The following INPP4B variants were observed in gnomAD, a reference collection of about 807,000 sequenced individuals.
The protein encoded by INPP4B is inositol polyphosphate-4-phosphatase type II B.
INPP4B carries 55 observed loss-of-function variants against 122.5 expected under a neutral mutation model. The ratio of observed to expected loss-of-function variants is 0.45; its 90% CI spans 0.36 to 0.56. The LOEUF is 0.56. INPP4B is among the 20% of genes least tolerant of loss of function. The pLI, the probability that INPP4B is intolerant of heterozygous loss-of-function variation, is 0.00. For missense variants in INPP4B, 1,000 were observed against 1,097.7 expected (o/e 0.91, Z 1.26); for synonymous variants, 403 against 388.7 (o/e 1.04, Z -0.43).
At chr4:142,755,685 G>T (rs1471672796) in intron 1 of INPP4B, among the ~76,000 whole-genome samples, 2 of 152,108 alleles carry the variant, frequency 1.3e-5, no homozygotes, top group South Asian at 2.1e-4. Flanking sequence ...TTGCTTTAAA[G>T]AGAAATAAAA....
chr4:142,306,235 T>G (rs962884632), intron 8 of INPP4B, among the ~76,000 whole-genome samples: 76 of 151,872 alleles, frequency 5.0e-4, no homozygotes, highest in Admixed American at 3.8e-3. Context: ...AATTGTTTTT[T>G]TTTTTTTTTT....
rs554485930 is a variant in INPP4B, at chr4:142,620,370, G to A, written c.-191+105469C>T. On this transcript the variant is annotated intron_variant, in intron 2 of 25. Transcript: ENST00000262992. Reference sequence around the variant, plus strand: ...CTTTTGCAGCAACATAGATGGAGCTGGAAGCCATTATCCTAAGTGAATTAA... The same window carrying A: ...CTTTTGCAGCAACATAGATGGAGCTAGAAGCCATTATCCTAAGTGAATTAA... 1.5e-4 allele frequency among the ~76,000 whole-genome samples: 23 copies of A among 152,046 alleles called. No homozygotes were observed. The Middle Eastern group carries it at 0.01, about 67-fold the overall frequency.
At chr4:142,832,910 A>G (rs929046335) in intron 1 of INPP4B, among the ~76,000 whole-genome samples, 26 of 152,222 alleles carry the variant, frequency 1.7e-4, no homozygotes, top group Admixed American at 5.9e-4. Flanking sequence ...GTATTAAAAT[A>G]AAAACACTGT....
intron 2 of INPP4B, among the ~76,000 whole-genome samples, chr4:142,716,216 C>T (rs1446738136): frequency 6.6e-6 from 1 of 152,186 alleles, no homozygotes; most frequent in African/African-American, 2.4e-5. Context: ...GGAGACATTG[C>T]TGTGGCCATT....
intron 2 of INPP4B, among the ~76,000 whole-genome samples, chr4:142,649,884 C>T (rs941365289): frequency 1.3e-5 from 2 of 152,122 alleles, no homozygotes; most frequent in African/African-American, 4.8e-5. Context: ...AGATACTCCT[C>T]GAGGAGAGCA....
At chr4:142,579,900 TA>T (rs1734695227) in intron 2 of INPP4B, among the ~76,000 whole-genome samples, 1 of 150,980 alleles carries the variant, frequency 6.6e-6, no homozygotes, top group Non-Finnish European at 1.5e-5. Flanking sequence ...GATAGATAGA[TA>T]GATAGATAGA....
chr4:142,635,516 A>G (rs1248477420), intron 2 of INPP4B, among the ~76,000 whole-genome samples: 1 of 152,216 alleles, frequency 6.6e-6, no homozygotes, highest in Non-Finnish European at 1.5e-5. Flanking sequence ...ACCATGGAAT[A>G]CCATGCAGCC....
chr4:142,077,068 T>TC (rs1480154398), intron 25 of INPP4B, among the ~76,000 whole-genome samples: 2 of 151,886 alleles, frequency 1.3e-5, no homozygotes, highest in African/African-American at 4.8e-5. Context: ...TAAATTATGC[T>TC]CCCCCAACAG....
intron 2 of INPP4B, among the ~76,000 whole-genome samples, chr4:142,550,914 C>T (rs1355633767): frequency 6.6e-6 from 1 of 152,048 alleles, no homozygotes; most frequent in African/African-American, 2.4e-5. Flanking sequence ...TACTACTTAC[C>T]TTGCTGATGG....
At chr4:142,615,173 AC>A (rs1357199630) in intron 2 of INPP4B, among the ~76,000 whole-genome samples, 3 of 152,130 alleles carry the variant, frequency 2.0e-5, no homozygotes, top group East Asian at 3.9e-4. Flanking sequence ...AGTATGACTG[AC>A]TATGTACCGA....
chr4:142,450,784 G>T lies in INPP4B; in HGVS notation c.-127+11879C>A, dbSNP rs552430093. ...ATTGGAGAAACACAGATGTGTACTG[G>T]AGTCTCCAATTCTAGAGCCCTTTCT... On this transcript the variant is annotated intron_variant, in intron 3 of 25. Transcript: ENST00000262992. 6.6e-5 allele frequency among the ~76,000 whole-genome samples: 10 copies of T among 152,168 alleles called. No individual in the cohort carries two copies. In the East Asian group the frequency reaches 1.7e-3, roughly 27 times the overall value.
At chr4:142,611,788 C>A (rs1022593056) in intron 2 of INPP4B, among the ~76,000 whole-genome samples, 1 of 151,596 alleles carries the variant, frequency 6.6e-6, no homozygotes, top group South Asian at 2.1e-4. Flanking sequence ...CCTGCCTCAG[C>A]CTCCCAAGCA....
intron 25 of INPP4B, among the ~76,000 whole-genome samples, chr4:142,032,184 A>G (rs142903684): frequency 0.011 from 1,681 of 152,250 alleles, 35 homozygotes; most frequent in African/African-American, 0.039. Flanking sequence ...GGGACTGGAA[A>G]GTTTAGGCTG....
chr4:142,150,982 T>G (rs1446154596), intron 17 of INPP4B, among the ~76,000 whole-genome samples: 1 of 152,230 alleles, frequency 6.6e-6, no homozygotes, highest in Non-Finnish European at 1.5e-5. Context: ...TGTATTTCCA[T>G]GAATAATTTC....
intron 1 of INPP4B, among the ~76,000 whole-genome samples, chr4:142,730,513 A>G (rs758245453): frequency 6.6e-6 from 1 of 152,040 alleles, no homozygotes; most frequent in African/African-American, 2.4e-5. Flanking sequence ...TATTCCTTCT[A>G]CTTGTGGTTC....
At chr4:142,248,699 C>T (rs1730393385) in intron 11 of INPP4B, among the ~76,000 whole-genome samples, 1 of 151,190 alleles carries the variant, frequency 6.6e-6, no homozygotes, top group Admixed American at 6.6e-5. Flanking sequence ...TAGGAGTCAC[C>T]ATTATTTAAA....
intron 15 of INPP4B, among the ~76,000 whole-genome samples, chr4:142,192,201 C>T (rs1027990613): frequency 4.6e-5 from 7 of 151,146 alleles, no homozygotes; most frequent in African/African-American, 1.7e-4. Context: ...TGAAAAACTA[C>T]CTATTAGATA....
At chr4:142,334,565 C>T (rs1775882290) in intron 7 of INPP4B, among the ~76,000 whole-genome samples, 1 of 152,160 alleles carries the variant, frequency 6.6e-6, no homozygotes, top group Non-Finnish European at 1.5e-5. Context: ...TTTATATTCC[C>T]AGTAAGAGTA....
At chr4:142,083,591 A>G (rs931067958) in intron 24 of INPP4B, among the ~76,000 whole-genome samples, 2 of 152,196 alleles carry the variant, frequency 1.3e-5, no homozygotes, top group Non-Finnish European at 2.9e-5. Context: ...GTCCGCTTTT[A>G]AAAGAAGGTA....
Sources: gnomAD v4.1 joint callset for allele counts (sites outside exome capture counted in the v4.1 genomes callset) on GRCh38, gnomAD v4.1.1 for gene constraint, MANE v1.5 for transcripts, NCBI Gene and HGNC (gene_info 2026-07-23, HGNC 2026-07-21) for gene names.